The following MAP2K1 variants were observed in gnomAD, a reference collection of about 807,000 sequenced individuals.
The protein encoded by MAP2K1 is dual specificity mitogen-activated protein kinase kinase 1.
A neutral mutation model predicts 46.3 loss-of-function variants in MAP2K1; 16 were observed. The ratio of observed to expected loss-of-function variants is 0.35; its 90% CI spans 0.23 to 0.52. The LOEUF is 0.52. MAP2K1 is among the 20% of genes least tolerant of loss of function. The pLI, the probability that MAP2K1 is intolerant of heterozygous loss-of-function variation, is 0.94. For synonymous variants in MAP2K1, 183 were observed against 185.6 expected (o/e 0.99, Z 0.11); for missense variants, 263 against 497.1 (o/e 0.53, Z 4.48).
chr15:66,452,365 T>A (rs1474192276), intron 5 of MAP2K1, among the ~76,000 whole-genome samples: 2 of 151,860 alleles, frequency 1.3e-5, no homozygotes, highest in East Asian at 3.9e-4. Context: ...TGCCATCTTG[T>A]CTTCTTTCTA....
At chr15:66,488,681 T>C (rs2140681860) in intron 8 of MAP2K1, 1 of 189,920 alleles carries the variant, frequency 5.3e-6, no homozygotes, top group African/African-American at 2.4e-5. Flanking sequence ...TTTATTAACT[T>C]TTCACTGCTT....
chr15:66,438,026 T>TG (rs2093493116), intron 3 of MAP2K1, among the ~76,000 whole-genome samples: 1 of 151,164 alleles, frequency 6.6e-6, no homozygotes, highest in Non-Finnish European at 1.5e-5. Flanking sequence ...GTTCTTTTTT[T>TG]TTTTTTTTTA....
intron 3 of MAP2K1, among the ~76,000 whole-genome samples, chr15:66,442,999 C>T (rs966958060): frequency 2.0e-5 from 3 of 151,672 alleles, no homozygotes; most frequent in African/African-American, 4.8e-5. Flanking sequence ...CTTCCCTGGG[C>T]GCACCACCCT....
At chr15:66,421,009 A>C (rs996399790) in intron 1 of MAP2K1, among the ~76,000 whole-genome samples, 1 of 5,286 alleles carries the variant, frequency 1.9e-4, no homozygotes, top group South Asian at 0.12. Context: ...ATACACGTGC[A>C]TATATATACT....
chr15:66,387,460 C>A (rs56149436), intron 1 of MAP2K1, 33 bp downstream of exon 1: 10 of 1,547,004 alleles, frequency 6.5e-6, no homozygotes, highest in Non-Finnish European at 8.7e-6. Flanking sequence ...ACCTCGGGGC[C>A]CGGCTGGGGA....
intron 5 of MAP2K1, among the ~76,000 whole-genome samples, chr15:66,445,446 T>G (rs571410195): frequency 6.6e-6 from 1 of 152,292 alleles, no homozygotes; most frequent in African/African-American, 2.4e-5. Context: ...GAAACTGATT[T>G]ATTTTAATAA....
intron 1 of MAP2K1, among the ~76,000 whole-genome samples, chr15:66,409,297 G>A (rs2093405636): frequency 6.6e-6 from 1 of 152,160 alleles, no homozygotes; most frequent in Non-Finnish European, 1.5e-5. Context: ...GCCCAAAGGA[G>A]GAAACATTTG....
intron 5 of MAP2K1, among the ~76,000 whole-genome samples, chr15:66,461,977 A>G (rs1892334668): frequency 6.6e-6 from 1 of 152,198 alleles, no homozygotes; most frequent in Admixed American, 6.5e-5. Flanking sequence ...GTGTAATAGC[A>G]TTAAAGTTAT....
At position 66,436,832 on chromosome 15, in the gene MAP2K1, C is replaced by T. The variant is rs369401783; in HGVS notation, c.378C>T (p.Ile126=). 17 of 1,614,086 alleles carry T rather than the reference C, an allele frequency of 1.1e-5. No individual in the cohort carries two copies. Among genetic ancestry groups the T allele is most frequent in the Admixed American group, 5.0e-5 (3 of 60,002 alleles). The change falls in exon 3 of 11, where the codon ATC becomes ATT. Residue 126 remains isoleucine, a synonymous_variant. Coordinates refer to ENST00000307102, the MANE Select transcript of MAP2K1 (RefSeq NM_002755.4). ...QVLHECNSPY[I]VGFYGAFYSD... The stretch of plus-strand genomic sequence containing the variant: ...TGCATGAGTGCAACTCTCCGTACAT[C>T]GTGGGCTTCTATGGTGCGTTCTACA...
chr15:66,398,781 C>CT (rs56256115), intron 1 of MAP2K1, among the ~76,000 whole-genome samples: 21 of 142,972 alleles, frequency 1.5e-4, no homozygotes, highest in African/African-American at 4.6e-4. Flanking sequence ...TTTTTTTTTT[C>CT]TTTTTTTTTT....
chr15:66,463,475 G>C (rs930580016), intron 5 of MAP2K1, among the ~76,000 whole-genome samples: 24 of 145,696 alleles, frequency 1.6e-4, no homozygotes, highest in Admixed American at 1.4e-3. Context: ...GGTGGTCAGG[G>C]CAGGGGTTTT....
chr15:66,416,470 C>T (rs142114046), intron 1 of MAP2K1, among the ~76,000 whole-genome samples: 5 of 152,096 alleles, frequency 3.3e-5, no homozygotes, highest in African/African-American at 1.2e-4. Context: ...ATGGAGTAGA[C>T]GCTTCATAGT....
intron 1 of MAP2K1, among the ~76,000 whole-genome samples, chr15:66,405,008 G>A (rs2093392773): frequency 6.6e-6 from 1 of 152,224 alleles, no homozygotes; most frequent in African/African-American, 2.4e-5. Flanking sequence ...TGTATCCCTA[G>A]AGGACATCGC....
chr15:66,457,211 C>G (rs1266692232), intron 5 of MAP2K1, among the ~76,000 whole-genome samples: 1 of 152,242 alleles, frequency 6.6e-6, no homozygotes, highest in Non-Finnish European at 1.5e-5. Flanking sequence ...CTCTGCCTCT[C>G]AGGTTCAAGA....
chr15:66,457,188 G>C (rs1892187244), intron 5 of MAP2K1, among the ~76,000 whole-genome samples: 2 of 152,166 alleles, frequency 1.3e-5, no homozygotes, highest in Admixed American at 1.3e-4. Flanking sequence ...GCGTAATCTC[G>C]GCTCACTGCA....
intron 1 of MAP2K1, among the ~76,000 whole-genome samples, chr15:66,422,294 T>C (rs375338216): frequency 6.6e-6 from 1 of 152,218 alleles, no homozygotes; most frequent in Non-Finnish European, 1.5e-5. Flanking sequence ...TCAAAATTTC[T>C]GATACCTATA....
At chr15:66,432,959 A>ATGCACAGTGTGTGT (rs10633011) in intron 1 of MAP2K1, among the ~76,000 whole-genome samples, 1 of 131,904 alleles carries the variant, frequency 7.6e-6, no homozygotes, top group Non-Finnish European at 1.6e-5. Flanking sequence ...CATCATGCAC[A>ATGCACAGTGTGTGT]GTGTGTGTGT....
chr15:66,409,986 A>G (rs1272777507), intron 1 of MAP2K1, among the ~76,000 whole-genome samples: 1 of 152,222 alleles, frequency 6.6e-6, no homozygotes, highest in Non-Finnish European at 1.5e-5. Context: ...TTGTCCTTAA[A>G]ATGACAGAGG....
intron 10 of MAP2K1, 73 bp from the exon 11 acceptor site, chr15:66,490,429 G>A (rs768715790): frequency 1.8e-6 from 2 of 1,124,130 alleles, no homozygotes; most frequent in African/African-American, 3.0e-5. Context: ...GAAACTCTTG[G>A]ATTTTCCTTC....
Sources: allele counts gnomAD v4.1 joint callset (sites outside exome capture counted in the v4.1 genomes callset), GRCh38; gene constraint gnomAD v4.1.1; transcripts MANE v1.5; gene names NCBI Gene and HGNC (gene_info 2026-07-23, HGNC 2026-07-21).